Variants in ENAH observed in about 807,000 individuals in gnomAD.
ENAH encodes the protein ENAH actin regulator.
ENAH carries 23 observed loss-of-function variants against 78.7 expected under a neutral mutation model. The observed-to-expected ratio is 0.29, with a 90% CI of 0.21 to 0.41. ENAH has a LOEUF of 0.41. Ranked by LOEUF, ENAH falls within the 10% of genes least tolerant of loss-of-function variation. ENAH has a pLI of 1.00. For missense variants in ENAH, 544 were observed against 691.0 expected, an observed-to-expected ratio of 0.79 and a Z score of 2.39; for synonymous variants, 226 against 241.0, an observed-to-expected ratio of 0.94 and a Z score of 0.58.
chr1:225,559,702 G>T (rs1330212589), intron 2 of ENAH, among the ~76,000 whole-genome samples: 1 of 152,076 alleles, frequency 6.6e-6, no homozygotes, highest in Non-Finnish European at 1.5e-5. Flanking sequence ...AACTCAAATA[G>T]GAGTAGGAGA....
At chr1:225,637,817 G>C (rs984454857) in intron 1 of ENAH, among the ~76,000 whole-genome samples, 5 of 152,106 alleles carry the variant, frequency 3.3e-5, no homozygotes, top group African/African-American at 1.2e-4. Flanking sequence ...CAGCTACTTA[G>C]GAAGCCGAGG....
At chr1:225,591,598 C>T (rs1413766668) in intron 1 of ENAH, among the ~76,000 whole-genome samples, 5 of 151,052 alleles carry the variant, frequency 3.3e-5, no homozygotes, top group African/African-American at 1.2e-4. Flanking sequence ...AACCCTGTCT[C>T]TACTAAAAAT....
intron 1 of ENAH, among the ~76,000 whole-genome samples, chr1:225,587,084 C>T (rs2096851360): frequency 6.6e-6 from 1 of 152,114 alleles, no homozygotes; most frequent in African/African-American, 2.4e-5. Context: ...ATATCTAGAA[C>T]ATCATACTTA....
chr1:225,648,754 TCTC>T (rs978705722), intron 1 of ENAH, among the ~76,000 whole-genome samples: 18 of 137,408 alleles, frequency 1.3e-4, no homozygotes, highest in African/African-American at 3.9e-4. Context: ...TATAAGATTA[TCTC>T]CTTTTTTTTT....
rs950544309 is a variant in ENAH at position 225,538,325 on chromosome 1, A to G, written c.350-7687T>C. 1.3e-4 allele frequency among the ~76,000 whole-genome samples: 20 copies of G among 150,562 alleles called. 1 individual carries two copies. The highest frequency in any genetic ancestry group is 4.6e-4 in the African/African-American group (19 of 41,066). On this transcript the variant is annotated intron_variant, in intron 3 of 13. Transcript: ENST00000366843. ...CTGCAGTGGTACAGTTGCTGCATTA[A>G]AAAAAAAAGTTACCACATTGCAGGG...
rs3050220 is a variant in ENAH at position 225,590,082 on chromosome 1, AACACACACACACACACACACACACAC to A, written c.6-22694_6-22669del. 4.6e-5 allele frequency among the ~76,000 whole-genome samples: 6 copies of A among 131,496 alleles called. 1 individual carries two copies. The South Asian group carries it at 1.7e-3, about 37-fold the overall frequency. The allele number at this position is 131,496 out of a possible 152,430, so 86.3% of individuals were successfully genotyped here. ...GACTAATTGCCTCCCCTCATCACTC[AACACACACACACACACACACACACAC>A]ACACACACACACACACACACACAGC... On this transcript the variant is annotated intron_variant, in intron 1 of 13. Coordinates refer to ENST00000366843, the MANE Select transcript of ENAH (RefSeq NM_018212.6).
chr1:225,614,536 T>G (rs1001125860), intron 1 of ENAH, among the ~76,000 whole-genome samples: 13 of 152,166 alleles, frequency 8.5e-5, no homozygotes, highest in Admixed American at 2.0e-4. Context: ...CTCTATCCTT[T>G]GGGTTTGTAT....
chr1:225,498,406 T>C lies in ENAH; in HGVS notation c.1618-2A>G. On this transcript the variant is annotated splice_acceptor_variant, in intron 12 of 13. Coordinates refer to ENST00000366843, the MANE Select transcript of ENAH (RefSeq NM_018212.6). LOFTEE classifies it high-confidence loss of function. ...TTTTCTCATTTCATCTAAAATGTCCTAAAATATTAGAGAAAAATACCAGAA... is the reference window on the plus strand; with the variant it reads ...TTTTCTCATTTCATCTAAAATGTCCCAAAATATTAGAGAAAAATACCAGAA... The C allele has an allele frequency of 6.5e-7, 1 of 1,549,446 alleles. No homozygotes were observed. The highest frequency in any genetic ancestry group is 2.3e-5 in the East Asian group (1 of 43,942).
At chr1:225,512,826 A>G (rs1250728537) in intron 8 of ENAH, 45 bp downstream of exon 8, 2 of 1,608,932 alleles carry the variant, frequency 1.2e-6, no homozygotes, top group East Asian at 4.5e-5. Context: ...ATACAATTAA[A>G]ATCCTCTCAA....
chr1:225,620,919 C>A (rs12024437), intron 1 of ENAH, among the ~76,000 whole-genome samples: 1 of 151,646 alleles, frequency 6.6e-6, no homozygotes, highest in Non-Finnish European at 1.5e-5. Context: ...GCAAGAGAAT[C>A]GTTTGAACCT....
chr1:225,621,623 A>G (rs1380007107), intron 1 of ENAH, among the ~76,000 whole-genome samples: 1 of 152,168 alleles, frequency 6.6e-6, no homozygotes, highest in Admixed American at 6.5e-5. Context: ...CACTAAGATT[A>G]TTTTACATAT....
At chr1:225,639,795 CTGGAAGCCCTA>C (rs1333904232) in intron 1 of ENAH, among the ~76,000 whole-genome samples, 3 of 151,438 alleles carry the variant, frequency 2.0e-5, no homozygotes, top group Non-Finnish European at 2.9e-5. Flanking sequence ...AATGTGAATC[CTGGAAGCCCTA>C]TGGTCCACTT....
At chr1:225,565,193 T>C (rs893110102) in intron 2 of ENAH, among the ~76,000 whole-genome samples, 2 of 152,220 alleles carry the variant, frequency 1.3e-5, no homozygotes, top group African/African-American at 2.4e-5. Context: ...CCTTGCACTT[T>C]GGGAGGCTGA....
At chr1:225,576,944 G>T (rs886169382) in intron 1 of ENAH, among the ~76,000 whole-genome samples, 37 of 152,214 alleles carry the variant, frequency 2.4e-4, no homozygotes, top group African/African-American at 8.7e-4. Context: ...AGACCAGCCT[G>T]GGCAACATAA....
At chr1:225,498,518 C>T (rs1331748146) in intron 12 of ENAH, 114 bp from the exon 13 acceptor site, 3 of 639,508 alleles carry the variant, frequency 4.7e-6, no homozygotes. Context: ...TTTTTTGTTT[C>T]CAGAGCCACA....
At chr1:225,652,519 A>G (rs550304019) in intron 1 of ENAH, 167 bp downstream of exon 1, 1 of 841,356 alleles carries the variant, frequency 1.2e-6, no homozygotes, top group Admixed American at 6.2e-5. Flanking sequence ...GGTTTCCAAG[A>G]AAGAAAGAGA....
At chr1:225,523,628 T>C (rs1033497755) in intron 4 of ENAH, among the ~76,000 whole-genome samples, 1 of 152,132 alleles carries the variant, frequency 6.6e-6, no homozygotes, top group African/African-American at 2.4e-5. Context: ...GCTGAAAAGA[T>C]GCCCATCTAA....
At chr1:225,599,796 T>TAAAAAA (rs34052384) in intron 1 of ENAH, among the ~76,000 whole-genome samples, 13 of 82,970 alleles carry the variant, frequency 1.6e-4, no homozygotes, top group African/African-American at 5.3e-4. Context: ...GACTCCGTCT[T>TAAAAAA]AAAAAAAAAA....
chr1:225,628,107 C>A (rs1313757095), intron 1 of ENAH, among the ~76,000 whole-genome samples: 1 of 152,198 alleles, frequency 6.6e-6, no homozygotes, highest in African/African-American at 2.4e-5. Context: ...GATTATAATT[C>A]TGGGTGTAAT....
Sources: gnomAD v4.1 joint callset for allele counts (sites outside exome capture counted in the v4.1 genomes callset) on GRCh38, gnomAD v4.1.1 for gene constraint, MANE v1.5 for transcripts, NCBI Gene and HGNC (gene_info 2026-07-23, HGNC 2026-07-21) for gene names.